Variants in RASEF observed in about 807,000 individuals in gnomAD.
RASEF encodes RAS and EF-hand domain containing.
RASEF carries 68 observed loss-of-function variants against 90.1 expected under a neutral mutation model. That is an observed-to-expected ratio of 0.75 (90% CI 0.62 to 0.92). RASEF has a LOEUF of 0.92. Among genes scored for constraint, RASEF ranks in the 40% least tolerant of loss-of-function variants. The pLI, the probability that RASEF is intolerant of heterozygous loss-of-function variation, is 0.00. For missense variants in RASEF, 949 were observed against 937.2 expected, an observed-to-expected ratio of 1.01 and a Z score of -0.16; for synonymous variants, 331 against 345.2, an observed-to-expected ratio of 0.96 and a Z score of 0.46.
At chr9:83,175,081 T>C in the RASEF span, among the ~76,000 whole-genome samples, 1 of 152,168 alleles carries the variant, frequency 6.6e-6, no homozygotes, top group Non-Finnish European at 1.5e-5. Flanking sequence ...GAGATAGTTT[T>C]AATTCTTCCT....
intron 1 of RASEF, among the ~76,000 whole-genome samples, chr9:83,027,887 G>T (rs1344403684): frequency 6.6e-6 from 1 of 152,150 alleles, no homozygotes; most frequent in Non-Finnish European, 1.5e-5. Context: ...GGATTGATGG[G>T]CTGCATATTG....
the RASEF span, among the ~76,000 whole-genome samples, chr9:83,121,058 T>A: frequency 6.6e-6 from 1 of 152,222 alleles, no homozygotes; most frequent in East Asian, 1.9e-4. Context: ...TTGGAGCAGA[T>A]TTAATTTTTG....
chr9:83,041,771 TA>T (rs1406045041), intron 1 of RASEF, among the ~76,000 whole-genome samples: 1 of 152,162 alleles, frequency 6.6e-6, no homozygotes, highest in African/African-American at 2.4e-5. Context: ...AGTGTGTTTT[TA>T]AAAAAAGGTA....
the RASEF span, among the ~76,000 whole-genome samples, chr9:83,158,637 T>C: frequency 2.7e-5 from 4 of 148,278 alleles, no homozygotes; most frequent in African/African-American, 9.8e-5. Flanking sequence ...TATGTATATA[T>C]GTATATATGT....
intron 1 of RASEF, chr9:83,055,708 C>A (rs1182700441): frequency 8.4e-6 from 6 of 716,264 alleles, no homozygotes; most frequent in Non-Finnish European, 1.6e-5. Flanking sequence ...TCATCCAAAT[C>A]TGTAATGCAG....
intron 1 of RASEF, among the ~76,000 whole-genome samples, chr9:83,058,860 C>T (rs1830150269): frequency 1.3e-5 from 2 of 152,084 alleles, no homozygotes; most frequent in Admixed American, 1.3e-4. Flanking sequence ...TAAAAGAATC[C>T]CCTTCGACAT....
the RASEF span, among the ~76,000 whole-genome samples, chr9:83,194,499 C>T: frequency 2.5e-4 from 38 of 152,268 alleles, no homozygotes; most frequent in African/African-American, 7.2e-4. Flanking sequence ...ACCACCTGGC[C>T]GCCATAGTGT....
the RASEF span, among the ~76,000 whole-genome samples, chr9:83,149,319 T>C: frequency 6.6e-6 from 1 of 152,178 alleles, no homozygotes; most frequent in Admixed American, 6.5e-5. Flanking sequence ...CCATGTTTAG[T>C]GGCCCTTGAT....
chr9:83,190,532 A>G, the RASEF span, among the ~76,000 whole-genome samples: 2 of 152,158 alleles, frequency 1.3e-5, no homozygotes, highest in Non-Finnish European at 2.9e-5. Flanking sequence ...TATTTTACTT[A>G]TGATTATGGA....
At chr9:82,990,579 T>G (rs1354267795) in intron 15 of RASEF, 112 bp from the exon 16 acceptor site, 1 of 662,774 alleles carries the variant, frequency 1.5e-6, no homozygotes, top group Non-Finnish European at 2.5e-6. Flanking sequence ...ATGCTAAGAG[T>G]AACTAATAGC....
chr9:83,040,632 C>T (rs1000683240), intron 1 of RASEF, among the ~76,000 whole-genome samples: 2 of 152,130 alleles, frequency 1.3e-5, no homozygotes, highest in Non-Finnish European at 1.5e-5. Flanking sequence ...CATTCAATAG[C>T]AAATATATTT....
At chr9:83,092,010 T>TTTTTTTTTTTTTTTTTTTTTTTC in the RASEF span, among the ~76,000 whole-genome samples, 1 of 126,874 alleles carries the variant, frequency 7.9e-6, no homozygotes, top group Admixed American at 7.4e-5. Context: ...TTTCTTTTTT[T>TTTTTTTTTTTTTTTTTTTTTTTC]TTTTTTTTTT....
the RASEF span, among the ~76,000 whole-genome samples, chr9:83,142,919 T>C: frequency 1.3e-5 from 2 of 152,164 alleles, no homozygotes; most frequent in Non-Finnish European, 2.9e-5. Context: ...GATTATCTTT[T>C]ACATCTCTCA....
chr9:83,145,778 AT>A, the RASEF span, among the ~76,000 whole-genome samples: 179 of 152,248 alleles, frequency 1.2e-3, no homozygotes, highest in African/African-American at 4.1e-3. Flanking sequence ...AGTTTACCAA[AT>A]AAAAATTATA....
chr9:83,140,892 C>G, the RASEF span, among the ~76,000 whole-genome samples: 1 of 152,060 alleles, frequency 6.6e-6, no homozygotes, highest in Non-Finnish European at 1.5e-5. Flanking sequence ...GCTGTAGTCC[C>G]AGCACTTTGG....
Position 82,982,778 on chromosome 9 carries a change from C to A in RASEF, c.2122G>T (p.Val708Leu). 6.4e-7 allele frequency: 1 copy of A among 1,561,232 alleles called. No individual in the cohort carries two copies. The highest frequency in any genetic ancestry group is 8.8e-7 in the Non-Finnish European group (1 of 1,134,426). ...VEAVLHLARE[V>L]KKRTDKDDSR... ...TCATCCTTGTCAGTTCTCTTTTTCA[C>A]TTCTCTGAGACAGAGATAGAGAGAG... Residue 708 changes from valine to leucine, a missense_variant, in exon 17 of 17, where the codon GTG (valine) becomes TTG (leucine). By Grantham distance (32) the Val-to-Leu change is conservative (BLOSUM62 1). Transcript: ENST00000376447.
the RASEF span, among the ~76,000 whole-genome samples, chr9:83,174,004 C>T: frequency 1.3e-5 from 2 of 151,634 alleles, no homozygotes; most frequent in African/African-American, 2.4e-5. Context: ...GCCTCTCTCC[C>T]ATCTTGAAAT....
At chr9:83,193,048 T>C in the RASEF span, among the ~76,000 whole-genome samples, 1 of 152,162 alleles carries the variant, frequency 6.6e-6, no homozygotes, top group Non-Finnish European at 1.5e-5. Flanking sequence ...AAGTATAGAA[T>C]GGATATGTTT....
intron 1 of RASEF, chr9:83,055,495 C>T (rs1830086470): frequency 1.5e-6 from 1 of 683,960 alleles, no homozygotes; most frequent in Admixed American, 2.0e-5. Flanking sequence ...ATGCAGAAAT[C>T]ACCCGTCTTC....
Sources: gnomAD v4.1 joint callset for allele counts (sites outside exome capture counted in the v4.1 genomes callset) on GRCh38, gnomAD v4.1.1 for gene constraint, MANE v1.5 for transcripts, NCBI Gene and HGNC (gene_info 2026-07-23, HGNC 2026-07-21) for gene names.